NIBAN3: variants seen among roughly 807,000 people sequenced by gnomAD.
NIBAN3 encodes protein Niban 3.
A neutral mutation model predicts 76.4 loss-of-function variants in NIBAN3; 66 were observed. The observed-to-expected ratio is 0.86, with a 90% confidence interval of 0.71 to 1.06. NIBAN3 has a LOEUF of 1.06. NIBAN3 is among the 50% of genes least tolerant of loss of function. The pLI, the probability that NIBAN3 is intolerant of heterozygous loss-of-function variation, is 0.00. For synonymous variants in NIBAN3, 360 were observed against 355.2 expected, an observed-to-expected ratio of 1.01 and a Z score of -0.15; for missense variants, 808 against 810.7, an observed-to-expected ratio of 1.00 and a Z score of 0.04.
At position 17,539,660 on chromosome 19, in the gene NIBAN3, T is replaced by C. The variant is rs1373903841; in HGVS notation, c.874T>C (p.Phe292Leu). 1 of 1,565,268 alleles carries C rather than the reference T, an allele frequency of 6.4e-7. No individual in the cohort carries two copies. Among genetic ancestry groups the C allele is most frequent in the Admixed American group, 1.9e-5 (1 of 53,868 alleles). ...LAGASAGLCAFQPEKDELLAS... is the reference protein window; with the variant it reads ...LAGASAGLCALQPEKDELLAS... ...CGGGGCCTCCGCCGGGCTCTGCGCC[T>C]TCCAGCCCGAAAAGGACGAGCTGCT... The change falls in exon 8 of 15, where the codon TTC (phenylalanine) becomes CTC (leucine). Residue 292 changes from phenylalanine to leucine, a missense_variant. Physicochemically the swap from Phe to Leu is conservative, Grantham distance 22. Transcript: ENST00000599164.
At chr19:17,544,615 G>T (rs181524716) in intron 12 of NIBAN3, among the ~76,000 whole-genome samples, 1 of 152,362 alleles carries the variant, frequency 6.6e-6, no homozygotes, top group Non-Finnish European at 1.5e-5. Flanking sequence ...AGGCCCTGAG[G>T]CCTGACCATG....
chr19:17,539,579 T>TC (rs779867144), intron 7 of NIBAN3, 24 bp from the exon 8 acceptor site: 17 of 1,512,376 alleles, frequency 1.1e-5, no homozygotes, highest in Admixed American at 2.1e-5. Context: ...CTCGGCTTTG[T>TC]CCCCCCTCGA....
In NIBAN3 at chr19:17,539,245, A is replaced by G. The variant is rs1403072229; in HGVS notation, c.691A>G (p.Thr231Ala). The G allele has an allele frequency of 1.9e-6, 3 of 1,606,134 alleles. No individual in the cohort carries two copies. Among genetic ancestry groups the G allele is most frequent in the East Asian group, 2.2e-5 (1 of 44,544 alleles). The change falls in exon 6 of 15, where the codon ACC becomes GCC. Residue 231 changes from threonine to alanine, a missense_variant. Coordinates refer to ENST00000599164, the MANE Select transcript of NIBAN3 (RefSeq NM_001321827.2). ...AGGCCACTTTGGCGACGACGACGTGACCCTAGGCTCAGACGCCGAGGTTAG... is the reference window on the plus strand; with the variant it reads ...AGGCCACTTTGGCGACGACGACGTGGCCCTAGGCTCAGACGCCGAGGTTAG... ...HQGHFGDDDV[T>A]LGSDAEVLTA... is the part of the protein sequence containing the mutation.
Position 17,551,764 on chromosome 19 carries a change from C to T in NIBAN3, c.1751-22C>T, listed in dbSNP as rs185912840. ...ATCTGACACATCTGATTTTTGACGT[C>T]CGTATATTTTCCATTATACAGATGA... On this transcript the variant is annotated intron_variant, in intron 14 of 14. Transcript: ENST00000599164. 92 of 755,868 alleles carry T rather than the reference C, an allele frequency of 1.2e-4. 1 individual carries two copies. Among genetic ancestry groups the T allele is most frequent in the Admixed American group, 1.1e-3 (63 of 56,786 alleles). 46.8% of individuals were successfully genotyped at this position (755,868 alleles called of 1,614,324 possible).
chr19:17,529,156 C>T (rs886661667), intron 1 of NIBAN3, among the ~76,000 whole-genome samples: 7 of 152,168 alleles, frequency 4.6e-5, no homozygotes, highest in African/African-American at 9.7e-5. Flanking sequence ...CCCTGGGCTT[C>T]ATTCTCTTAT....
intron 9 of NIBAN3, among the ~76,000 whole-genome samples, chr19:17,541,242 C>T (rs113159568): frequency 0.097 from 8,861 of 91,506 alleles, 483 homozygotes; most frequent in Admixed American, 0.27. Flanking sequence ...TACATACATA[C>T]ATACATACAT....
At position 17,533,637 on chromosome 19, in the gene NIBAN3, C is replaced by T. The variant is rs2075772134; in HGVS notation, c.363C>T (p.Tyr121=). 6.2e-7 allele frequency: 1 copy of T among 1,614,132 alleles called. No individual in the cohort carries two copies. The highest frequency in any genetic ancestry group is 2.2e-5 in the East Asian group (1 of 44,886). ...HCLGSTALTG[Y]TLLTSQREYL... is the part of the protein sequence containing the mutation. ...TTGGCTCAACAGCCCTGACAGGATA[C>T]ACGCTCCTGACTTCCCAGCGAGAAT... Residue 121 remains tyrosine (Y), a synonymous_variant, in exon 4 of 15, where the codon TAC becomes TAT. Coordinates refer to ENST00000599164, the MANE Select transcript of NIBAN3 (RefSeq NM_001321827.2).
intron 1 of NIBAN3, among the ~76,000 whole-genome samples, chr19:17,528,871 C>G (rs147536669): frequency 6.6e-6 from 1 of 152,034 alleles, no homozygotes; most frequent in East Asian, 1.9e-4. Context: ...AGTCATGACC[C>G]AAAATTGCAT....
chr19:17,525,819 G>T (rs986002998), upstream of NIBAN3, among the ~76,000 whole-genome samples: 3 of 152,154 alleles, frequency 2.0e-5, no homozygotes, highest in African/African-American at 7.2e-5. Flanking sequence ...GGACACCTTC[G>T]CTGGGTGACG....
At chr19:17,535,203 C>T (rs1201199808) in intron 4 of NIBAN3, among the ~76,000 whole-genome samples, 1 of 152,192 alleles carries the variant, frequency 6.6e-6, no homozygotes, top group East Asian at 1.9e-4. Context: ...ACTTGGGAGG[C>T]AGAGACAGGA....
At chr19:17,534,108 C>T (rs924902638) in intron 4 of NIBAN3, among the ~76,000 whole-genome samples, 1 of 152,214 alleles carries the variant, frequency 6.6e-6, no homozygotes, top group South Asian at 2.1e-4. Context: ...GAGGCTGAGG[C>T]GGGAGGATCG....
intron 8 of NIBAN3, 101 bp downstream of exon 8, chr19:17,539,866 G>A (rs1010606535): frequency 7.6e-5 from 73 of 957,354 alleles, no homozygotes; most frequent in East Asian, 4.6e-4. Flanking sequence ...TATGTAAAAT[G>A]GGGGCGTGGT....
chr19:17,524,905 A>G (rs917965091), upstream of NIBAN3, among the ~76,000 whole-genome samples: 3 of 152,132 alleles, frequency 2.0e-5, no homozygotes, highest in African/African-American at 7.2e-5. Context: ...TCACTCCTTT[A>G]TGGCCAGCCT....
At chr19:17,528,077 T>A (rs1428052512) in intron 1 of NIBAN3, among the ~76,000 whole-genome samples, 3 of 151,842 alleles carry the variant, frequency 2.0e-5, no homozygotes, top group Non-Finnish European at 4.4e-5. Context: ...TTTATGGTTT[T>A]TTTTTTGTTT....
chr19:17,539,069 C>T, intron 5 of NIBAN3, 81 bp from the exon 6 acceptor site: 2 of 1,273,356 alleles, frequency 1.6e-6, no homozygotes, highest in Non-Finnish European at 2.2e-6. Flanking sequence ...GGGACCTGGC[C>T]AGGCGGAGGG....
chr19:17,540,136 G>A (rs1356243215), intron 8 of NIBAN3: 3 of 358,894 alleles, frequency 8.4e-6, no homozygotes, highest in Non-Finnish European at 1.0e-5. Flanking sequence ...GCGGGCCTGG[G>A]AAGTAGAACA....
intron 2 of NIBAN3, among the ~76,000 whole-genome samples, chr19:17,531,513 T>A (rs77606242): frequency 2.0e-5 from 3 of 151,978 alleles, no homozygotes; most frequent in African/African-American, 7.3e-5. Context: ...TCCAAACAAG[T>A]TAGCATATCA....
chr19:17,528,015 G>A lies in NIBAN3; in HGVS notation c.55+620G>A, dbSNP rs371688688. ...AGCCTGCATCTTATTTTTAGTATAAGTGTATCCCAGATTTTGCATAGTGCA... is the reference window on the plus strand; with the variant it reads ...AGCCTGCATCTTATTTTTAGTATAAATGTATCCCAGATTTTGCATAGTGCA... On this transcript the variant is annotated intron_variant, in intron 1 of 14. Coordinates refer to ENST00000599164, the MANE Select transcript of NIBAN3 (RefSeq NM_001321827.2). Among the ~76,000 whole-genome samples the A allele has an allele frequency of 1.9e-4, 28 of 151,232 alleles. No homozygotes were observed. In the East Asian group the frequency reaches 3.1e-3, roughly 17 times the overall value.
chr19:17,538,812 G>A (rs1454094120), intron 5 of NIBAN3, among the ~76,000 whole-genome samples: 1 of 152,020 alleles, frequency 6.6e-6, no homozygotes, highest in African/African-American at 2.4e-5. Flanking sequence ...AAGAGAGAAA[G>A]AAAAAAGTAG....
Sources: gnomAD v4.1 joint callset for allele counts (sites outside exome capture counted in the v4.1 genomes callset) on GRCh38, gnomAD v4.1.1 for gene constraint, MANE v1.5 for transcripts, NCBI Gene and HGNC (gene_info 2026-07-23, HGNC 2026-07-21) for gene names.